The following TAFA1 variants were observed in gnomAD, a reference collection of about 807,000 sequenced individuals.
TAFA1 encodes the protein TAFA chemokine like family member 1.
In TAFA1, 4 loss-of-function variants were observed where a neutral mutation model predicts 18.5. That is an observed-to-expected ratio of 0.22 (90% CI 0.11 to 0.49). The LOEUF (loss-of-function observed/expected upper bound fraction) is 0.49, where lower values mean the gene tolerates loss of function less well. TAFA1 is among the 20% of genes least tolerant of loss of function. The probability of loss-of-function intolerance (pLI) is 0.98; values close to 1 mark genes in which losing one functional copy is unlikely to be tolerated. For missense variants in TAFA1, 147 were observed against 169.0 expected (o/e 0.87, Z 0.72); for synonymous variants, 56 against 55.2 (o/e 1.01, Z -0.06).
intron 2 of TAFA1, among the ~76,000 whole-genome samples, chr3:68,342,451 G>A (rs923016626): frequency 2.0e-5 from 3 of 152,136 alleles, no homozygotes; most frequent in Non-Finnish European, 4.4e-5. Context: ...GTTAAATTTA[G>A]CTTAAACATT....
intron 2 of TAFA1, among the ~76,000 whole-genome samples, chr3:68,338,406 A>G (rs1186649023): frequency 6.6e-6 from 1 of 152,158 alleles, no homozygotes; most frequent in Non-Finnish European, 1.5e-5. Context: ...TGTCTTCTAG[A>G]TTTCAGTTAG....
intron 2 of TAFA1, among the ~76,000 whole-genome samples, chr3:68,019,830 G>A (rs1346811049): frequency 6.6e-6 from 1 of 152,142 alleles, no homozygotes; most frequent in African/African-American, 2.4e-5. Context: ...CCCGGCCAGT[G>A]ATGGCAAATT....
At chr3:68,193,431 C>T (rs1383702342) in intron 2 of TAFA1, among the ~76,000 whole-genome samples, 1 of 151,746 alleles carries the variant, frequency 6.6e-6, no homozygotes, top group African/African-American at 2.4e-5. Flanking sequence ...TCTAAAGCAA[C>T]TGCCTTTGAA....
chr3:68,340,848 GT>G (rs1245928913), intron 2 of TAFA1, among the ~76,000 whole-genome samples: 2 of 152,174 alleles, frequency 1.3e-5, no homozygotes, highest in Non-Finnish European at 2.9e-5. Context: ...AATCTGACCT[GT>G]ATTCACATTT....
intron 2 of TAFA1, among the ~76,000 whole-genome samples, chr3:68,387,416 G>T (rs2070129141): frequency 6.6e-6 from 1 of 151,960 alleles, no homozygotes. Context: ...GGAGCCTAGG[G>T]TATTTATTTA....
At chr3:68,322,164 G>A (rs2068705660) in intron 2 of TAFA1, among the ~76,000 whole-genome samples, 2 of 152,146 alleles carry the variant, frequency 1.3e-5, no homozygotes, top group Admixed American at 6.5e-5. Flanking sequence ...ACATATACAA[G>A]TACAAATTTT....
intron 2 of TAFA1, among the ~76,000 whole-genome samples, chr3:68,309,204 C>G (rs1451247947): frequency 6.6e-6 from 1 of 152,138 alleles, no homozygotes; most frequent in African/African-American, 2.4e-5. Flanking sequence ...CCACTGGATC[C>G]TTAGTCTAGA....
intron 2 of TAFA1, among the ~76,000 whole-genome samples, chr3:68,281,369 T>C (rs1221870380): frequency 2.0e-5 from 3 of 152,124 alleles, no homozygotes; most frequent in Non-Finnish European, 4.4e-5. Flanking sequence ...TTCAGTGTTT[T>C]AAAAATCAGG....
intron 2 of TAFA1, among the ~76,000 whole-genome samples, chr3:68,187,518 T>C (rs918821204): frequency 6.6e-6 from 1 of 152,026 alleles, no homozygotes; most frequent in Non-Finnish European, 1.5e-5. Flanking sequence ...TTATCTTGGG[T>C]GATATAGCTC....
At chr3:68,268,022 C>T (rs2107219815) in intron 2 of TAFA1, among the ~76,000 whole-genome samples, 1 of 152,254 alleles carries the variant, frequency 6.6e-6, no homozygotes, top group South Asian at 2.1e-4. Flanking sequence ...ATTGACAGCC[C>T]AGAGAATGCA....
At chr3:68,079,304 C>G (rs958215087) in intron 2 of TAFA1, among the ~76,000 whole-genome samples, 11 of 152,102 alleles carry the variant, frequency 7.2e-5, no homozygotes, top group African/African-American at 2.7e-4. Flanking sequence ...TTTTGTGTCT[C>G]TATTTCCTTC....
chr3:68,342,593 C>T (rs1452758742), intron 2 of TAFA1, among the ~76,000 whole-genome samples: 2 of 152,166 alleles, frequency 1.3e-5, no homozygotes, highest in Admixed American at 6.5e-5. Context: ...AATTTTCGAG[C>T]TGAATGTGAT....
At chr3:68,246,159 G>T (rs1193231772) in intron 2 of TAFA1, among the ~76,000 whole-genome samples, 1 of 152,100 alleles carries the variant, frequency 6.6e-6, no homozygotes, top group African/African-American at 2.4e-5. Flanking sequence ...GTTGGCATCC[G>T]TTGCCTTCAT....
intron 2 of TAFA1, among the ~76,000 whole-genome samples, chr3:68,232,379 A>G (rs2066882566): frequency 6.6e-6 from 1 of 152,164 alleles, no homozygotes; most frequent in Non-Finnish European, 1.5e-5. Context: ...ATATTGCCCC[A>G]TGTGACAGGA....
chr3:68,321,619 C>T lies in TAFA1; in HGVS notation c.119-95661C>T, dbSNP rs146306909. ...TCAGGAAGCTGCATGCTGTGTGCTG[C>T]GTGCTTGCTAAGTATTTGGCTAACA... On this transcript the variant is annotated intron_variant, in intron 2 of 4. Coordinates refer to ENST00000478136, the MANE Select transcript of TAFA1 (RefSeq NM_213609.4). Among the ~76,000 whole-genome samples, 8 of 152,262 alleles carry T rather than the reference C, an allele frequency of 5.3e-5. No individual in the cohort carries two copies. The East Asian group carries it at 9.7e-4, about 18-fold the overall frequency.
At chr3:68,156,190 C>G (rs2065864701) in intron 2 of TAFA1, among the ~76,000 whole-genome samples, 1 of 152,148 alleles carries the variant, frequency 6.6e-6, no homozygotes, top group Non-Finnish European at 1.5e-5. Context: ...GGAAGAGGAT[C>G]CAGCATCCCA....
At chr3:68,064,624 A>G (rs2064649985) in intron 2 of TAFA1, among the ~76,000 whole-genome samples, 1 of 152,146 alleles carries the variant, frequency 6.6e-6, no homozygotes, top group African/African-American at 2.4e-5. Flanking sequence ...CTGCTAATTA[A>G]CACATGACAA....
At chr3:68,246,219 C>A (rs2067073679) in intron 2 of TAFA1, among the ~76,000 whole-genome samples, 1 of 152,164 alleles carries the variant, frequency 6.6e-6, no homozygotes, top group Non-Finnish European at 1.5e-5. Flanking sequence ...GGGAAACACA[C>A]CTGAACCAAG....
chr3:68,289,955 T>TA (rs1436308438), intron 2 of TAFA1, among the ~76,000 whole-genome samples: 1 of 152,216 alleles, frequency 6.6e-6, no homozygotes, highest in Non-Finnish European at 1.5e-5. Flanking sequence ...AAGTAAGCGG[T>TA]AGAACTAGGC....
Sources: allele counts gnomAD v4.1 joint callset (sites outside exome capture counted in the v4.1 genomes callset), GRCh38; gene constraint gnomAD v4.1.1; transcripts MANE v1.5; gene names NCBI Gene and HGNC (gene_info 2026-07-23, HGNC 2026-07-21).